Variants in FAM135B observed in about 807,000 individuals in gnomAD.
FAM135B encodes the protein protein FAM135B.
In FAM135B, 43 loss-of-function variants were observed where a neutral mutation model predicts 127.7. That is an observed-to-expected ratio of 0.34 (90% CI 0.26 to 0.43). FAM135B has a LOEUF of 0.43. FAM135B is among the 20% of genes least tolerant of loss of function. FAM135B has a pLI of 1.00. For synonymous variants in FAM135B, 670 were observed against 665.1 expected (o/e 1.01, Z -0.11); for missense variants, 1,558 against 1,725.6 (o/e 0.90, Z 1.72).
At chr8:138,215,343 TA>T (rs1818464262) in intron 7 of FAM135B, among the ~76,000 whole-genome samples, 1 of 152,140 alleles carries the variant, frequency 6.6e-6, no homozygotes, top group Non-Finnish European at 1.5e-5. Flanking sequence ...AAATAGTAAA[TA>T]CTCAAAATAA....
Position 138,412,890 on chromosome 8 carries a change from C to G in FAM135B, c.-19-44888G>C, listed in dbSNP as rs554665872. 4.6e-5 allele frequency among the ~76,000 whole-genome samples: 7 copies of G among 152,248 alleles called. No homozygotes were observed. In the East Asian group the frequency reaches 1.4e-3, roughly 30 times the overall value. On this transcript the variant is annotated intron_variant, in intron 1 of 19. Transcript: ENST00000395297. ...ATGATTTGCTTCCTGACTCTCTCTC[C>G]TGCTCCCTGGGATCACATCTCCCAA... is the stretch of plus-strand genomic sequence containing the variant.
intron 11 of FAM135B, among the ~76,000 whole-genome samples, chr8:138,168,549 G>A (rs1040055992): frequency 4.6e-5 from 7 of 152,174 alleles, no homozygotes; most frequent in African/African-American, 1.7e-4. Context: ...CTGGATGAAG[G>A]TATAAATTTC....
chr8:138,316,708 T>G (rs967014673), intron 2 of FAM135B, among the ~76,000 whole-genome samples: 2 of 150,384 alleles, frequency 1.3e-5, no homozygotes, highest in African/African-American at 4.9e-5. Flanking sequence ...CGGCCGGGCG[T>G]GGTGGCTCAC....
At chr8:138,469,473 G>C (rs757413111) in intron 1 of FAM135B, among the ~76,000 whole-genome samples, 24 of 152,166 alleles carry the variant, frequency 1.6e-4, no homozygotes, top group Non-Finnish European at 3.4e-4. Context: ...GAAAGGAGCA[G>C]GGTGTGTGTG....
rs1814589371 is a variant in FAM135B at position 138,177,519 on chromosome 8, C to A, written c.1030-99G>T. On this transcript the variant is annotated intron_variant, in intron 10 of 19. Transcript: ENST00000395297. ...AGGCTCAAAAAGATGAATGATATTT[C>A]CTAATAGGAAGAGAGCCAGGCCCCT... 1.8e-5 allele frequency: 20 copies of A among 1,092,376 alleles called. No homozygotes were observed. The South Asian group carries it at 3.2e-4, about 17-fold the overall frequency. The allele number at this position is 1,092,376 out of a possible 1,614,324, so 67.7% of individuals were successfully genotyped here. A position where few individuals can be genotyped will look rare whatever the true frequency, so the allele number is the denominator to read the frequency against.
chr8:138,197,438 G>T, intron 8 of FAM135B, 78 bp downstream of exon 8: 2 of 1,525,538 alleles, frequency 1.3e-6, no homozygotes, highest in Non-Finnish European at 8.9e-7. Context: ...ACAAAAGCAT[G>T]CCAGCTTTTC....
intron 3 of FAM135B, among the ~76,000 whole-genome samples, chr8:138,279,149 T>C (rs1423804782): frequency 6.6e-6 from 1 of 152,248 alleles, no homozygotes; most frequent in Non-Finnish European, 1.5e-5. Context: ...CCATAAAGAC[T>C]GTGTATTTTT....
At chr8:138,388,825 T>C (rs773009695) in intron 1 of FAM135B, among the ~76,000 whole-genome samples, 1 of 152,154 alleles carries the variant, frequency 6.6e-6, no homozygotes, top group Non-Finnish European at 1.5e-5. Flanking sequence ...TTAATATATG[T>C]CAACACTTCT....
intron 7 of FAM135B, among the ~76,000 whole-genome samples, chr8:138,237,427 C>G (rs1820388017): frequency 6.6e-6 from 1 of 152,156 alleles, no homozygotes; most frequent in Non-Finnish European, 1.5e-5. Context: ...TCCCAAAGTG[C>G]TGGGACTACA....
At chr8:138,304,116 G>T (rs1254974675) in intron 3 of FAM135B, among the ~76,000 whole-genome samples, 1 of 151,744 alleles carries the variant, frequency 6.6e-6, no homozygotes, top group Non-Finnish European at 1.5e-5. Flanking sequence ...GACAGGCCTG[G>T]GTACATTTCA....
chr8:138,236,775 T>G (rs1451341331), intron 7 of FAM135B, among the ~76,000 whole-genome samples: 3 of 152,238 alleles, frequency 2.0e-5, no homozygotes, highest in Non-Finnish European at 4.4e-5. Flanking sequence ...TTTCACACTA[T>G]GGTGAAATGT....
chr8:138,465,565 C>CTCTAAGTG (rs1249470404), intron 1 of FAM135B, among the ~76,000 whole-genome samples: 1 of 152,170 alleles, frequency 6.6e-6, no homozygotes, highest in East Asian at 1.9e-4. Flanking sequence ...TCTTTGGCCT[C>CTCTAAGTG]TCTAAGTGTT....
intron 7 of FAM135B, among the ~76,000 whole-genome samples, chr8:138,210,653 G>GGA (rs1252225007): frequency 6.6e-6 from 1 of 152,016 alleles, no homozygotes; most frequent in Non-Finnish European, 1.5e-5. Flanking sequence ...GAACAGCATG[G>GGA]GAGAAATCCA....
intron 9 of FAM135B, among the ~76,000 whole-genome samples, chr8:138,192,265 C>T (rs973266673): frequency 6.6e-6 from 1 of 152,222 alleles, no homozygotes; most frequent in Non-Finnish European, 1.5e-5. Context: ...TTGATTCTAA[C>T]CTCCAAGCTG....
intron 1 of FAM135B, among the ~76,000 whole-genome samples, chr8:138,409,992 C>A (rs1249539627): frequency 6.6e-6 from 1 of 152,030 alleles, no homozygotes; most frequent in Non-Finnish European, 1.5e-5. Context: ...GCTTCAGGGC[C>A]CACATTCTAA....
At chr8:138,290,593 T>A (rs376180175) in intron 3 of FAM135B, among the ~76,000 whole-genome samples, 1 of 152,322 alleles carries the variant, frequency 6.6e-6, no homozygotes, top group African/African-American at 2.4e-5. Flanking sequence ...AAATCCAATT[T>A]GATTCTGTTG....
intron 7 of FAM135B, among the ~76,000 whole-genome samples, chr8:138,222,422 C>T (rs1410050336): frequency 2.0e-5 from 3 of 152,154 alleles, no homozygotes; most frequent in Admixed American, 2.0e-4. Flanking sequence ...AAAGCCCTGT[C>T]TGTCCATAAA....
chr8:138,417,945 G>T (rs933495662), intron 1 of FAM135B, among the ~76,000 whole-genome samples: 1 of 152,104 alleles, frequency 6.6e-6, no homozygotes, highest in Non-Finnish European at 1.5e-5. Flanking sequence ...TCTTAACCAT[G>T]CTAAAATGGC....
chr8:138,328,572 A>T (rs1827963125), intron 2 of FAM135B, among the ~76,000 whole-genome samples: 1 of 152,120 alleles, frequency 6.6e-6, no homozygotes, highest in African/African-American at 2.4e-5. Flanking sequence ...AGAGTATGGG[A>T]TGGGTAACAA....
Sources: gnomAD v4.1 joint callset for allele counts (sites outside exome capture counted in the v4.1 genomes callset) on GRCh38, gnomAD v4.1.1 for gene constraint, MANE v1.5 for transcripts, NCBI Gene and HGNC (gene_info 2026-07-23, HGNC 2026-07-21) for gene names.